Variants in MAGEA11 observed in about 807,000 individuals in gnomAD.
MAGEA11 encodes MAGE family member A11.
MAGEA11 carries 1 observed loss-of-function variant against 8.4 expected under a neutral mutation model. The observed-to-expected ratio is 0.12, with a 90% CI of 0.04 to 0.57. The LOEUF (loss-of-function observed/expected upper bound fraction) is 0.57. MAGEA11 is among the 20% of genes least tolerant of loss of function. The probability of loss-of-function intolerance (pLI) is 0.91; values close to 1 mark genes in which losing one functional copy is unlikely to be tolerated. For synonymous variants in MAGEA11, 127 were observed against 119.3 expected (o/e 1.06, Z -0.42); for missense variants, 209 against 317.3 (o/e 0.66, Z 2.59).
At chrX:149,693,717 C>G (rs1297701284) in intron 1 of MAGEA11, among the ~76,000 whole-genome samples, 1 of 112,249 alleles carries the variant, frequency 8.9e-6, no homozygotes, top group Non-Finnish European at 1.9e-5. Flanking sequence ...TTAACAATCA[C>G]TTTCCGTTCC....
intron 1 of MAGEA11, among the ~76,000 whole-genome samples, chrX:149,696,854 C>T (rs1387284299): frequency 3.6e-5 from 4 of 111,926 alleles, no homozygotes; most frequent in Non-Finnish European, 7.5e-5. Flanking sequence ...TCCCTCTGCT[C>T]GGGCAGGTCG....
chrX:149,698,168 C>G (rs1557360716), intron 1 of MAGEA11, among the ~76,000 whole-genome samples: 1 of 111,296 alleles, frequency 9.0e-6, no homozygotes, highest in African/African-American at 3.3e-5. Context: ...ATATCTTGTT[C>G]TTGCTTTATT....
chrX:149,702,417 T>G (rs931904403), intron 1 of MAGEA11, among the ~76,000 whole-genome samples: 1 of 111,770 alleles, frequency 8.9e-6, no homozygotes, highest in Non-Finnish European at 1.9e-5. Context: ...TTATAAAATA[T>G]CTTTCTTTTT....
chrX:149,695,211 T>G (rs1488439989), intron 1 of MAGEA11, among the ~76,000 whole-genome samples: 1 of 111,610 alleles, frequency 9.0e-6, no homozygotes, highest in Non-Finnish European at 1.9e-5. Context: ...AATTGTCTCA[T>G]TTTTTCTCTT....
At chrX:149,698,588 A>C (rs1179531169) in intron 1 of MAGEA11, among the ~76,000 whole-genome samples, 2 of 111,516 alleles carry the variant, frequency 1.8e-5, no homozygotes, top group Non-Finnish European at 3.8e-5. Flanking sequence ...TTGGGAGATA[A>C]AGAGCCCTCA....
chrX:149,711,580 TC>T (rs1382639946), upstream of MAGEA11, among the ~76,000 whole-genome samples: 1 of 111,294 alleles, frequency 9.0e-6, no homozygotes, highest in Non-Finnish European at 1.9e-5. Flanking sequence ...ACAGAGCATC[TC>T]CCACCCATCA....
intron 1 of MAGEA11, among the ~76,000 whole-genome samples, chrX:149,702,964 A>C (rs1411138232): frequency 9.0e-6 from 1 of 111,290 alleles, no homozygotes; most frequent in African/African-American, 3.3e-5. Flanking sequence ...TTCTCTCCCT[A>C]CTTCTTTGTG....
At chrX:149,702,048 G>A (rs969551603) in intron 1 of MAGEA11, among the ~76,000 whole-genome samples, 1 of 111,778 alleles carries the variant, frequency 8.9e-6, no homozygotes, top group Admixed American at 9.5e-5. Context: ...AAAGTACTTT[G>A]TACAATCTCA....
intron 1 of MAGEA11, chrX:149,689,094 T>C: frequency 4.2e-6 from 3 of 718,420 alleles, no homozygotes; most frequent in African/African-American, 2.2e-5. Flanking sequence ...CAGATGATGT[T>C]CCCAGCTCAG....
At chrX:149,713,016 C>T (rs1271461681) in intron 1 of MAGEA11, 127 bp from the exon 2 acceptor site, 1 of 465,399 alleles carries the variant, frequency 2.1e-6, no homozygotes, top group Non-Finnish European at 3.7e-6. Context: ...CTAGGGGGAG[C>T]ACAGACAGGG....
At chrX:149,692,915 A>G (rs782586289) in intron 1 of MAGEA11, among the ~76,000 whole-genome samples, 34 of 111,904 alleles carry the variant, frequency 3.0e-4, no homozygotes, top group Non-Finnish European at 5.6e-4. Context: ...GCTGCCATCC[A>G]TGTAAGATGT....
At chrX:149,708,659 TG>T, upstream of MAGEA11, among the ~76,000 whole-genome samples, 1 of 110,834 alleles carries the variant, frequency 9.0e-6, no homozygotes, top group Non-Finnish European at 1.9e-5. Context: ...CTAGGGAGGC[TG>T]GTCTATTGAA....
chrX:149,711,953 T>TCGCCC (rs1162376205), upstream of MAGEA11: 8 of 218,319 alleles, frequency 3.7e-5, no homozygotes, highest in South Asian at 2.5e-4. Context: ...CCGCCTCGCC[T>TCGCCC]CGCCCCGCCC....
chrX:149,698,478 A>G (rs189527686), intron 1 of MAGEA11, among the ~76,000 whole-genome samples: 11 of 111,588 alleles, frequency 9.9e-5, no homozygotes, highest in Admixed American at 6.6e-4. Context: ...ATAATGATAC[A>G]TTCTCCTTTT....
chrX:149,716,872 C>T lies in MAGEA11; in HGVS notation c.*96C>T. On this transcript the variant is annotated 3_prime_UTR_variant, in exon 5 of 5. Transcript: ENST00000355220. ...TTTCCCTGTCCTGTGTGAAATCAGG[C>T]CCATTCTTCCCTCTGTGTTTGATGA... 1.2e-6 allele frequency: 1 copy of T among 827,749 alleles called. No individual in the cohort carries two copies. Among genetic ancestry groups the T allele is most frequent in the Non-Finnish European group, 1.7e-6 (1 of 582,073 alleles). The allele number at this position is 827,749 out of a possible 1,213,427, so 68.2% of individuals were successfully genotyped here.
At chrX:149,706,623 CT>C (rs2090378540) in intron 1 of MAGEA11, among the ~76,000 whole-genome samples, 1 of 112,222 alleles carries the variant, frequency 8.9e-6, no homozygotes, top group Admixed American at 9.5e-5. Flanking sequence ...AAGGGGATTT[CT>C]AAGTAGAGAA....
chrX:149,708,909 G>T (rs1432220261), upstream of MAGEA11, among the ~76,000 whole-genome samples: 1 of 110,073 alleles, frequency 9.1e-6, no homozygotes, highest in Non-Finnish European at 1.9e-5. Flanking sequence ...TATTTTACAT[G>T]TCTGACACTT....
rs782796424 is a variant in MAGEA11, at chrX:149,700,131, A to T, written c.9+11147A>T. Among the ~76,000 whole-genome samples the T allele has an allele frequency of 1.5e-3, 173 of 112,739 alleles. 3 individuals carry two copies. The South Asian group carries it at 0.062, about 40-fold the overall frequency. ...AATTCGAAATGAGATTTGGGTGGGG[A>T]TGCAGATCCAAACCATATCAAGTCC... On this transcript the variant is annotated intron_variant, in intron 1 of 3. Transcript: ENST00000333104.
At chrX:149,704,676 C>T (rs1404499942) in intron 1 of MAGEA11, among the ~76,000 whole-genome samples, 1 of 111,980 alleles carries the variant, frequency 8.9e-6, no homozygotes, top group Non-Finnish European at 1.9e-5. Flanking sequence ...TGCAGTTGCC[C>T]AGGCTAAGCT....
Sources: gnomAD v4.1 joint callset for allele counts (sites outside exome capture counted in the v4.1 genomes callset) on GRCh38, gnomAD v4.1.1 for gene constraint, MANE v1.5 for transcripts, NCBI Gene and HGNC (gene_info 2026-07-23, HGNC 2026-07-21) for gene names.